Variants in KCNU1 observed in about 807,000 individuals in gnomAD.
KCNU1 encodes potassium calcium-activated channel subfamily U member 1.
A neutral mutation model predicts 126.8 loss-of-function variants in KCNU1; 93 were observed. That is an observed-to-expected ratio of 0.73 (90% CI 0.62 to 0.87). KCNU1 has a LOEUF of 0.87. Among genes scored for constraint, KCNU1 ranks in the 40% least tolerant of loss-of-function variants. The pLI is 0.00. For missense variants in KCNU1, 1,330 were observed against 1,367.1 expected (o/e 0.97, Z 0.43); for synonymous variants, 523 against 494.2 (o/e 1.06, Z -0.77).
intron 19 of KCNU1, chr8:36,888,567 A>C: frequency 1.9e-6 from 1 of 533,918 alleles, no homozygotes; most frequent in Non-Finnish European, 3.8e-6. Flanking sequence ...CTGTGCCTGG[A>C]AGTGGAGCAG....
intron 18 of KCNU1, among the ~76,000 whole-genome samples, chr8:36,855,947 AT>A (rs1192956950): frequency 1.3e-5 from 2 of 152,006 alleles, no homozygotes; most frequent in African/African-American, 4.8e-5. Context: ...TGGTTTCAAG[AT>A]TTTTTGTGAT....
chr8:36,906,500 A>G (rs2117511886), intron 20 of KCNU1, among the ~76,000 whole-genome samples: 1 of 152,272 alleles, frequency 6.6e-6, no homozygotes, highest in East Asian at 1.9e-4. Flanking sequence ...CTGGAGTTGG[A>G]AACTCAAGTA....
At chr8:36,913,111 C>T (rs1807951894) in intron 22 of KCNU1, among the ~76,000 whole-genome samples, 1 of 151,940 alleles carries the variant, frequency 6.6e-6, no homozygotes, top group Non-Finnish European at 1.5e-5. Context: ...GAAATTTCAC[C>T]TCCTTTATGG....
intron 22 of KCNU1, 143 bp downstream of exon 22, chr8:36,911,262 C>T (rs565966794): frequency 3.4e-6 from 2 of 589,538 alleles, no homozygotes; most frequent in South Asian, 3.1e-5. Flanking sequence ...CTGAGAATCC[C>T]ATAGTAGAAA....
chr8:36,829,413 T>C (rs1804447443), intron 10 of KCNU1, among the ~76,000 whole-genome samples: 1 of 151,866 alleles, frequency 6.6e-6, no homozygotes, highest in African/African-American at 2.4e-5. Flanking sequence ...TCGTCATTTA[T>C]GTCTCTAATT....
rs759503154 is a variant in KCNU1, at chr8:36,833,678, T to C, written c.1212+19T>C. ...AGTTGCGGTAAGATCTAGCTGTTTT[T>C]GTTCCTTGTAGTTTTCCTTAGTTGC... is the stretch of plus-strand genomic sequence containing the variant. On this transcript the variant is annotated intron_variant, in intron 11 of 26. Coordinates refer to ENST00000399881, the MANE Select transcript of KCNU1 (RefSeq NM_001031836.3). The C allele has an allele frequency of 6.8e-7, 1 of 1,472,778 alleles. No individual in the cohort carries two copies. The highest frequency in any genetic ancestry group is 9.5e-7 in the Non-Finnish European group (1 of 1,052,398). 91.2% of individuals were successfully genotyped at this position (1,472,778 alleles called of 1,614,324 possible).
rs770801238 is a variant in KCNU1 at position 36,841,046 on chromosome 8, TTTTTTTTTTTC to T, written c.1703+44_1703+54del. 19 of 1,292,990 alleles carry T rather than the reference TTTTTTTTTTTC, an allele frequency of 1.5e-5. No individual in the cohort carries two copies. In the African/African-American group the frequency reaches 2.6e-4, roughly 18 times the overall value. 80.1% of individuals were successfully genotyped at this position (1,292,990 alleles called of 1,614,324 possible). A position where few individuals can be genotyped will look rare whatever the true frequency, so the allele number is the denominator to read the frequency against. ...CATCTCTTCAGTTGTTTTTTTTTTT[TTTTTTTTTTTC>T]CTGGAGATTCTTTGTGATTAAGAAT... On this transcript the variant is annotated intron_variant, in intron 16 of 26. Coordinates refer to ENST00000399881, the MANE Select transcript of KCNU1 (RefSeq NM_001031836.3).
At chr8:36,919,346 T>G (rs2117572523) in intron 23 of KCNU1, among the ~76,000 whole-genome samples, 1 of 150,902 alleles carries the variant, frequency 6.6e-6, no homozygotes, top group African/African-American at 2.4e-5. Context: ...GTGCTCACCC[T>G]TGGTGTCTCC....
chr8:36,827,602 A>G (rs1455894010), intron 10 of KCNU1, among the ~76,000 whole-genome samples: 2 of 152,108 alleles, frequency 1.3e-5, no homozygotes, highest in African/African-American at 2.4e-5. Context: ...GCTTTTTTAT[A>G]TATCTTCAGG....
intron 19 of KCNU1, chr8:36,889,201 A>G (rs1456686323): frequency 3.7e-6 from 2 of 534,414 alleles, no homozygotes; most frequent in African/African-American, 3.8e-5. Flanking sequence ...TTTATTGGTG[A>G]AAACCTAAAT....
intron 24 of KCNU1, among the ~76,000 whole-genome samples, chr8:36,925,172 G>A (rs1808492612): frequency 6.6e-6 from 1 of 152,116 alleles, no homozygotes; most frequent in Non-Finnish European, 1.5e-5. Context: ...AAAACAAAAT[G>A]TGCTATATAG....
intron 20 of KCNU1, among the ~76,000 whole-genome samples, chr8:36,909,043 A>G (rs1447450274): frequency 3.9e-5 from 6 of 152,220 alleles, no homozygotes; most frequent in African/African-American, 1.4e-4. Context: ...AATGATGCTA[A>G]TCTGAGTTTT....
chr8:36,789,789 CA>C (rs1802840340), intron 2 of KCNU1, among the ~76,000 whole-genome samples: 1 of 152,262 alleles, frequency 6.6e-6, no homozygotes, highest in East Asian at 1.9e-4. Flanking sequence ...AAGAATAAAG[CA>C]ATTGAAGAAT....
chr8:36,883,192 C>T (rs1356927066), intron 19 of KCNU1, among the ~76,000 whole-genome samples: 3 of 152,162 alleles, frequency 2.0e-5, no homozygotes, highest in Admixed American at 6.5e-5. Flanking sequence ...AACCAGCCAT[C>T]AATGTTCTCT....
intron 2 of KCNU1, among the ~76,000 whole-genome samples, chr8:36,788,627 T>C (rs185981003): frequency 4.6e-5 from 7 of 152,344 alleles, no homozygotes; most frequent in African/African-American, 1.7e-4. Context: ...AAGTATTAAG[T>C]AAAACTGCTT....
At chr8:36,932,797 A>C in intron 25 of KCNU1, 123 bp from the exon 26 acceptor site, 1 of 635,680 alleles carries the variant, frequency 1.6e-6, no homozygotes, top group South Asian at 1.9e-5. Flanking sequence ...GCCACCACAA[A>C]GATATTAGGA....
Position 36,789,259 on chromosome 8 carries a change from G to A in KCNU1, c.315+1834G>A, listed in dbSNP as rs186930480. ...TGGTCCCACCTACTCAGGAGGCTGC[G>A]ATAGGAGGATCGCTTGAGCCCAGGT... On this transcript the variant is annotated intron_variant, in intron 2 of 26. Coordinates refer to ENST00000399881, the MANE Select transcript of KCNU1 (RefSeq NM_001031836.3). Among the ~76,000 whole-genome samples, 263 of 152,174 alleles carry A rather than the reference G, an allele frequency of 1.7e-3. 2 individuals are homozygous for A. The highest frequency in any genetic ancestry group is 6.8e-3 in the Middle Eastern group (2 of 294).
At chr8:36,925,619 C>T (rs994795142) in intron 24 of KCNU1, among the ~76,000 whole-genome samples, 3 of 152,092 alleles carry the variant, frequency 2.0e-5, no homozygotes, top group Non-Finnish European at 4.4e-5. Context: ...TTCCCATCAC[C>T]AAAGAAAGAC....
chr8:36,809,667 T>G (rs530138762), intron 7 of KCNU1, among the ~76,000 whole-genome samples: 11 of 152,170 alleles, frequency 7.2e-5, no homozygotes, highest in Non-Finnish European at 1.3e-4. Flanking sequence ...GGCTGATTCC[T>G]AGATTTAGAG....
Sources: gnomAD v4.1 joint callset for allele counts (sites outside exome capture counted in the v4.1 genomes callset) on GRCh38, gnomAD v4.1.1 for gene constraint, MANE v1.5 for transcripts, NCBI Gene and HGNC (gene_info 2026-07-23, HGNC 2026-07-21) for gene names.